Variants in HNRNPUL1 observed in about 807,000 individuals in gnomAD.
The protein encoded by HNRNPUL1 is heterogeneous nuclear ribonucleoprotein U like 1.
In HNRNPUL1, 14 loss-of-function variants were observed where a neutral mutation model predicts 108.5. That is an observed-to-expected ratio of 0.13 (90% CI 0.09 to 0.20). HNRNPUL1 has a LOEUF of 0.20. Among genes scored for constraint, HNRNPUL1 ranks in the 10% least tolerant of loss-of-function variants. HNRNPUL1 has a pLI of 1.00. For synonymous variants in HNRNPUL1, 422 were observed against 445.2 expected (o/e 0.95, Z 0.66); for missense variants, 804 against 1,168.3 (o/e 0.69, Z 4.55).
intron 7 of HNRNPUL1, 56 bp downstream of exon 7, chr19:41,281,331 CT>C: frequency 1.7e-6 from 2 of 1,164,300 alleles, no homozygotes; most frequent in African/African-American, 1.5e-5. Flanking sequence ...CTACAGACTT[CT>C]TTTTCAGGAT....
intron 1 of HNRNPUL1, chr19:41,265,354 G>A: frequency 2.0e-6 from 3 of 1,514,864 alleles, no homozygotes; most frequent in Non-Finnish European, 2.6e-6. Context: ...GTACGGGGGT[G>A]GGTGGGAGAG....
chr19:41,302,971 A>G, intron 12 of HNRNPUL1, 22 bp downstream of exon 12: 1 of 1,511,230 alleles, frequency 6.6e-7, no homozygotes, highest in Non-Finnish European at 8.8e-7. Context: ...CACACACAGC[A>G]CTCTCCACTT....
intron 1 of HNRNPUL1, among the ~76,000 whole-genome samples, chr19:41,266,377 C>T (rs963524556): frequency 6.6e-6 from 1 of 152,010 alleles, no homozygotes; most frequent in South Asian, 2.1e-4. Flanking sequence ...AGGTTGCAGT[C>T]AGCCGAGATT....
Position 41,292,597 on chromosome 19 carries a change from G to A in HNRNPUL1, c.1266+86G>A, listed in dbSNP as rs971562403. On this transcript the variant is annotated intron_variant, in intron 8 of 14. Coordinates refer to ENST00000392006, the MANE Select transcript of HNRNPUL1 (RefSeq NM_007040.6). This position sits in a 1 kb window ranked among gnomAD's most constrained non-coding sequence, Gnocchi z 4.1. ...ACACACACACACACAGACTTGCTGC[G>A]AGAGTAGCCTTGGGGCAAGTGGCCA... The A allele has an allele frequency of 1.3e-5, 19 of 1,514,010 alleles. No individual in the cohort carries two copies. The highest frequency in any genetic ancestry group is 3.5e-5 in the South Asian group (3 of 84,780). The allele number at this position is 1,514,010 out of a possible 1,614,324, so 93.8% of individuals were successfully genotyped here.
intron 1 of HNRNPUL1, chr19:41,265,444 G>T: frequency 7.2e-7 from 1 of 1,385,430 alleles, no homozygotes; most frequent in Non-Finnish European, 9.5e-7. Flanking sequence ...GCATTTAGGG[G>T]CTGCGGGAGA....
chr19:41,265,364 G>C (rs1170927963), intron 1 of HNRNPUL1: 1 of 1,525,016 alleles, frequency 6.6e-7, no homozygotes, highest in Non-Finnish European at 8.8e-7. Flanking sequence ...GGGTGGGAGA[G>C]GTGGAGGCGC....
At chr19:41,296,666 C>T (rs2036914110) in intron 10 of HNRNPUL1, among the ~76,000 whole-genome samples, 1 of 152,208 alleles carries the variant, frequency 6.6e-6, no homozygotes, top group Non-Finnish European at 1.5e-5. Flanking sequence ...ATAGAGGGTT[C>T]AGAGCAGGCC....
intron 7 of HNRNPUL1, among the ~76,000 whole-genome samples, chr19:41,287,084 C>T (rs1206283615): frequency 2.0e-5 from 3 of 151,772 alleles, no homozygotes; most frequent in South Asian, 2.1e-4. Context: ...GGCGTGATCT[C>T]GGCTCACTGC....
At chr19:41,291,005 C>T (rs576400818) in intron 7 of HNRNPUL1, among the ~76,000 whole-genome samples, 1 of 152,344 alleles carries the variant, frequency 6.6e-6, no homozygotes, top group African/African-American at 2.4e-5. Context: ...GAGATTGCGC[C>T]ATTGCACTCC....
At chr19:41,276,928 T>C (rs2035591285) in intron 5 of HNRNPUL1, 1 of 151,996 alleles carries the variant, frequency 6.6e-6, no homozygotes, top group Non-Finnish European at 1.5e-5. Context: ...TGAAACCCTG[T>C]CTACTAAAAA....
At chr19:41,300,202 CT>C (rs745830599) in intron 10 of HNRNPUL1, among the ~76,000 whole-genome samples, 2 of 152,070 alleles carry the variant, frequency 1.3e-5, no homozygotes, top group African/African-American at 2.4e-5. Flanking sequence ...GGGAGGGAGG[CT>C]TTTCAACCCC....
At position 41,268,275 on chromosome 19, in the gene HNRNPUL1, C is replaced by G; in HGVS notation, c.348C>G (p.Ile116Met). The G allele has an allele frequency of 6.2e-7, 1 of 1,614,040 alleles. No individual in the cohort carries two copies. The highest frequency in any genetic ancestry group is 8.5e-7 in the Non-Finnish European group (1 of 1,179,986). ...ACCAATTCTACGATACCCAAGTCAT[C>G]AAACAAGAAAACGAGTCAGGCTACG... ...RQNQFYDTQV[I>M]KQENESGYER... is the part of the protein sequence containing the mutation. Residue 116 changes from isoleucine to methionine, a missense_variant, in exon 2 of 15, where the codon ATC becomes ATG. Transcript: ENST00000392006.
rs2034701675 is a variant in HNRNPUL1 at position 41,264,710 on chromosome 19, C to A, written c.207C>A (p.Gly69=). 2 of 1,529,692 alleles carry A rather than the reference C, an allele frequency of 1.3e-6. No individual in the cohort carries two copies. Among genetic ancestry groups the A allele is most frequent in the African/African-American group, 2.8e-5 (2 of 70,228 alleles). 94.8% of individuals were successfully genotyped at this position (1,529,692 alleles called of 1,614,324 possible). Residue 69 remains glycine (G), a synonymous_variant, in exon 1 of 15, where the codon GGC becomes GGA. Coordinates refer to ENST00000392006, the MANE Select transcript of HNRNPUL1 (RefSeq NM_007040.6). The part of the protein sequence containing the change: ...HINEEVETEG[G]SELEGTAQPP... Reference sequence around the variant, plus strand: ...ACGAGGAGGTCGAGACCGAGGGGGGCTCCGAGCTGGAGGGGACCGCGCAGC... The same window carrying A: ...ACGAGGAGGTCGAGACCGAGGGGGGATCCGAGCTGGAGGGGACCGCGCAGC...
intron 10 of HNRNPUL1, among the ~76,000 whole-genome samples, chr19:41,296,753 G>A (rs538077028): frequency 7.0e-4 from 107 of 152,280 alleles, no homozygotes; most frequent in African/African-American, 2.5e-3. Flanking sequence ...CTGTCTCCTG[G>A]GCTAGGTGGA....
At chr19:41,305,513 A>T in intron 13 of HNRNPUL1, 163 bp from the exon 14 acceptor site, 5 of 826,988 alleles carry the variant, frequency 6.0e-6, no homozygotes, top group Non-Finnish European at 9.7e-6. Flanking sequence ...CATGGCATGG[A>T]GCTGGCTCTC....
At chr19:41,286,360 A>G (rs1200907158) in intron 7 of HNRNPUL1, 1 of 152,192 alleles carries the variant, frequency 6.6e-6, no homozygotes, top group Non-Finnish European at 1.5e-5. Flanking sequence ...GACCCATTTG[A>G]GAGGAGGTTG....
At position 41,264,562 on chromosome 19, in the gene HNRNPUL1, TG is replaced by T; in HGVS notation, c.61del (p.Asp21ThrfsTer121). 6.5e-7 allele frequency: 1 copy of T among 1,541,430 alleles called. No individual in the cohort carries two copies. The highest frequency in any genetic ancestry group is 8.7e-7 in the Non-Finnish European group (1 of 1,149,260). On this transcript the variant is annotated frameshift_variant, in exon 1 of 15. Transcript: ENST00000392006. LOFTEE classifies it high-confidence loss of function. ...ELREELQRRG[L>X]DTRGLKAELA... ...CGCGAGGAGCTGCAGCGCCGCGGCC[TG>T]GACACTCGAGGCCTCAAGGCCGAGC...
chr19:41,277,000 A>C (rs2035595864), intron 5 of HNRNPUL1, among the ~76,000 whole-genome samples: 1 of 151,252 alleles, frequency 6.6e-6, no homozygotes, highest in Non-Finnish European at 1.5e-5. Context: ...CAGGAGGCTG[A>C]GGCAGAGAAT....
intron 13 of HNRNPUL1, 81 bp from the exon 14 acceptor site, chr19:41,305,594 GC>G: frequency 6.4e-7 from 1 of 1,564,458 alleles, no homozygotes; most frequent in Non-Finnish European, 8.8e-7. Flanking sequence ...ACTTAAAAAG[GC>G]CCTTTTTCCA....
Sources: gnomAD v4.1 joint callset for allele counts (sites outside exome capture counted in the v4.1 genomes callset) on GRCh38, gnomAD v4.1.1 for gene constraint, Gnocchi (gnomAD v3.1) non-coding constraint, MANE v1.5 for transcripts, NCBI Gene and HGNC (gene_info 2026-07-23, HGNC 2026-07-21) for gene names.